Variants in KAZN observed in about 807,000 individuals in gnomAD.
KAZN encodes the protein kazrin, periplakin interacting protein, also known as kazrin.
KAZN carries 40 observed loss-of-function variants against 87.4 expected under a neutral mutation model. That is an observed-to-expected ratio of 0.46 (90% CI 0.36 to 0.60). KAZN has a LOEUF of 0.60. Among genes scored for constraint, KAZN ranks in the 20% least tolerant of loss-of-function variants. KAZN has a pLI of 0.00. For synonymous variants in KAZN, 466 were observed against 458.3 expected (o/e 1.02, Z -0.22); for missense variants, 898 against 1,073.9 (o/e 0.84, Z 2.29).
intron 1 of KAZN, among the ~76,000 whole-genome samples, chr1:14,155,419 C>CT (rs112453756): frequency 1.3e-5 from 2 of 151,998 alleles, no homozygotes; most frequent in Non-Finnish European, 2.9e-5. Flanking sequence ...GATCTTCTCT[C>CT]TTTTTTTTCT....
chr1:14,749,988 T>C (rs1345687054), intron 1 of KAZN, among the ~76,000 whole-genome samples: 1 of 152,004 alleles, frequency 6.6e-6, no homozygotes, highest in East Asian at 1.9e-4. Context: ...TAAAATGACA[T>C]AGAACAAAGA....
intron 2 of KAZN, among the ~76,000 whole-genome samples, chr1:14,566,437 GC>G (rs1674553944): frequency 1.3e-5 from 2 of 152,142 alleles, no homozygotes; most frequent in Admixed American, 1.3e-4. Flanking sequence ...ATTCTTAAGG[GC>G]CCTAGGATAT....
intron 2 of KAZN, among the ~76,000 whole-genome samples, chr1:14,587,452 A>G (rs1448734671): frequency 6.6e-6 from 1 of 151,916 alleles, no homozygotes; most frequent in Non-Finnish European, 1.5e-5. Context: ...AAAAAGAAAA[A>G]AAAAAAAAAG....
intron 4 of KAZN, among the ~76,000 whole-genome samples, chr1:15,045,798 C>T (rs887458919): frequency 7.9e-5 from 12 of 152,214 alleles, no homozygotes; most frequent in Middle Eastern, 6.8e-3. Flanking sequence ...AACTACCACA[C>T]GCTTATGAAC....
chr1:13,939,443 T>C (rs568215813), intron 1 of KAZN, among the ~76,000 whole-genome samples: 9 of 152,364 alleles, frequency 5.9e-5, no homozygotes, highest in Admixed American at 2.0e-4. Context: ...AAGTTCTTCA[T>C]TGCTATCTGA....
At chr1:14,021,953 C>T (rs376763807) in intron 1 of KAZN, among the ~76,000 whole-genome samples, 78 of 114,248 alleles carry the variant, frequency 6.8e-4, no homozygotes, top group Middle Eastern at 6.1e-3. Flanking sequence ...AATGAACATG[C>T]TTTTTTTTTT....
chr1:14,707,751 C>T (rs186543393), intron 1 of KAZN, among the ~76,000 whole-genome samples: 9 of 152,238 alleles, frequency 5.9e-5, no homozygotes, highest in South Asian at 4.2e-4. Context: ...GACTCATTTA[C>T]GCCGAAGTCA....
In KAZN at chr1:15,056,307, C is replaced by A. The variant is rs1301398922; in HGVS notation, c.916+27C>A. ...TGAGTCCTGCCCTGGCCTGGCTCCA[C>A]CACGGCTTCGAGGGGCTTCACAGGA... On this transcript the variant is annotated intron_variant, in intron 5 of 14. Transcript: ENST00000376030. This position sits in a 1 kb window ranked among gnomAD's most constrained non-coding sequence, Gnocchi z 5.4. 2 of 1,574,254 alleles carry A rather than the reference C, an allele frequency of 1.3e-6. No individual in the cohort carries two copies. The highest frequency in any genetic ancestry group is 4.6e-5 in the East Asian group (2 of 43,462).
chr1:14,500,190 C>T (rs1398245677), intron 2 of KAZN, among the ~76,000 whole-genome samples: 1 of 152,086 alleles, frequency 6.6e-6, no homozygotes, highest in Non-Finnish European at 1.5e-5. Context: ...TGAAGTATTC[C>T]TTGGGCAAAT....
chr1:14,269,321 G>GAAAAA (rs1651740862), intron 2 of KAZN, among the ~76,000 whole-genome samples: 1 of 139,414 alleles, frequency 7.2e-6, no homozygotes. Flanking sequence ...GGTTGATAAT[G>GAAAAA]ATAAAAAAAA....
chr1:14,839,392 A>G (rs1258379844), intron 1 of KAZN, among the ~76,000 whole-genome samples: 6 of 152,210 alleles, frequency 3.9e-5, no homozygotes, highest in Non-Finnish European at 7.3e-5. Flanking sequence ...TCAAACACCT[A>G]GAACAGTACC....
At chr1:14,870,627 C>T (rs1652030914) in intron 1 of KAZN, among the ~76,000 whole-genome samples, 1 of 152,204 alleles carries the variant, frequency 6.6e-6, no homozygotes, top group Admixed American at 6.5e-5. Context: ...AGGTGTGAGC[C>T]CCCAGGCCCG....
Position 14,644,578 on chromosome 1 carries a change from G to A in KAZN, c.226+45355G>A, listed in dbSNP as rs563050829. On this transcript the variant is annotated intron_variant, in intron 1 of 14. Transcript: ENST00000376030. ...GGGTTTCACCATGTTAGCTAGGATG[G>A]TCTTGATCTCCTGAGCTCGTGATCC... 4.0e-3 allele frequency among the ~76,000 whole-genome samples: 606 copies of A among 152,062 alleles called. 1 individual carries two copies. The highest frequency in any genetic ancestry group is 6.9e-3 in the Non-Finnish European group (469 of 68,010).
intron 2 of KAZN, among the ~76,000 whole-genome samples, chr1:14,418,040 A>AAAAAAAAAAAAC (rs1664965966): frequency 7.4e-6 from 1 of 134,524 alleles, no homozygotes; most frequent in Non-Finnish European, 1.6e-5. Flanking sequence ...AAAAAAAAAA[A>AAAAAAAAAAAAC]AAAACCTACA....
At chr1:14,512,910 G>GT (rs1414720898) in intron 2 of KAZN, among the ~76,000 whole-genome samples, 1 of 152,230 alleles carries the variant, frequency 6.6e-6, no homozygotes, top group Non-Finnish European at 1.5e-5. Context: ...CTCCTGCTGA[G>GT]AGAAGTAGCG....
chr1:14,845,889 T>C (rs935455021), intron 1 of KAZN, among the ~76,000 whole-genome samples: 1 of 152,062 alleles, frequency 6.6e-6, no homozygotes, highest in Non-Finnish European at 1.5e-5. Context: ...GAAAGAATGT[T>C]GGGTGAAGGC....
chr1:14,702,329 T>TGTGTGTGTGTGG (rs1354470557), intron 1 of KAZN, among the ~76,000 whole-genome samples: 3 of 139,766 alleles, frequency 2.1e-5, no homozygotes, highest in African/African-American at 3.1e-5. Flanking sequence ...TGCAAAACTG[T>TGTGTGTGTGTGG]GTGTGTGTGT....
chr1:14,011,743 T>C (rs1640322905), intron 1 of KAZN, among the ~76,000 whole-genome samples: 1 of 152,180 alleles, frequency 6.6e-6, no homozygotes, highest in African/African-American at 2.4e-5. Context: ...TCTGATGTAA[T>C]CAGCGATAAG....
chr1:13,904,673 A>G (rs1475395762), intron 1 of KAZN, among the ~76,000 whole-genome samples: 1 of 151,942 alleles, frequency 6.6e-6, no homozygotes, highest in Non-Finnish European at 1.5e-5. Context: ...TCTCTTTTCT[A>G]TGGATTTGCT....
Sources: allele counts gnomAD v4.1 joint callset (sites outside exome capture counted in the v4.1 genomes callset), GRCh38; gene constraint gnomAD v4.1.1; non-coding constraint Gnocchi (gnomAD v3.1); transcripts MANE v1.5; gene names NCBI Gene and HGNC (gene_info 2026-07-23, HGNC 2026-07-21).